The following LBX2 variants were observed in gnomAD, a reference collection of about 807,000 sequenced individuals.
LBX2 encodes transcription factor LBX2.
Under a neutral mutation model 7.5 loss-of-function variants are expected in LBX2, and 6 were observed. That is an observed-to-expected ratio of 0.80 (90% confidence interval 0.44 to 1.59). The LOEUF is 1.59. LBX2 is among the 40% of genes most tolerant of loss of function. The pLI, the probability that LBX2 is intolerant of heterozygous loss-of-function variation, is 0.01. For missense variants in LBX2, 281 were observed against 282.0 expected (o/e 1.00, Z 0.03); for synonymous variants, 143 against 133.2 (o/e 1.07, Z -0.51).
chr2:74,499,517 G>A lies in LBX2; in HGVS notation c.21C>T (p.Pro7=). 1 of 1,548,988 alleles carries A rather than the reference G, an allele frequency of 6.5e-7. No individual in the cohort carries two copies. Among genetic ancestry groups the A allele is most frequent in the South Asian group, 1.2e-5 (1 of 83,998 alleles). The change falls in exon 1 of 2, where the codon CCC becomes CCT. Residue 7 remains proline, a synonymous_variant. Transcript: ENST00000377566. The surrounding 1 kb of genome is among the most constrained non-coding windows in gnomAD (Gnocchi z 4.6). MNSGRE[P]RTPRTLLSIA... ...TGCTTAAGAGTGTCCGGGGTGTTCG[G>A]GGCTCGCGTCCCGAGTTCATGGTCG...
In LBX2 at chr2:74,499,147, G is replaced by C. The variant is rs556932067; in HGVS notation, c.205+186C>G. 1.6e-6 allele frequency: 1 copy of C among 623,286 alleles called. No individual in the cohort carries two copies. The highest frequency in any genetic ancestry group is 2.9e-5 in the Admixed American group (1 of 34,090). 38.6% of individuals were successfully genotyped at this position (623,286 alleles called of 1,614,324 possible). On this transcript the variant is annotated intron_variant, in intron 1 of 1. Coordinates refer to ENST00000377566, the MANE Select transcript of LBX2 (RefSeq NM_001282430.2). The surrounding 1 kb of genome is among the most constrained non-coding windows in gnomAD (Gnocchi z 4.6). ...GCACTGGCGGCCTTCCGGAGCCGCC[G>C]CGGAACCTAGGGACTAACGGAGGAG...
At chr2:74,502,410 G>T (rs1181785190), upstream of LBX2, 2 of 530,372 alleles carry the variant, frequency 3.8e-6, no homozygotes, top group Non-Finnish European at 6.6e-6. This position sits in a 1 kb window ranked among gnomAD's most constrained non-coding sequence, Gnocchi z 5.4. Flanking sequence ...TGTGTAGCAG[G>T]GTTGGAGGAC....
At chr2:74,498,583 A>T in intron 1 of LBX2, 1 of 518,120 alleles carries the variant, frequency 1.9e-6, no homozygotes, top group Non-Finnish European at 3.4e-6. Flanking sequence ...GAAGGGAGGG[A>T]TGATTCAGAG....
rs1233093334 is a variant in LBX2, at chr2:74,499,321, C to A, written c.205+12G>T. ...GGCTAAGTCAGAGTCCGCGACCTTG[C>A]CGGCTCTATACCTTCAGAGGGCTGC... On this transcript the variant is annotated intron_variant, in intron 1 of 1. Coordinates refer to ENST00000377566, the MANE Select transcript of LBX2 (RefSeq NM_001282430.2). This position sits in a 1 kb window ranked among gnomAD's most constrained non-coding sequence, Gnocchi z 4.6. The A allele has an allele frequency of 1.5e-5, 24 of 1,548,934 alleles. No homozygotes were observed. The South Asian group carries it at 2.7e-4, about 18-fold the overall frequency.
chr2:74,500,179 A>C (rs1674454993), upstream of LBX2, among the ~76,000 whole-genome samples: 1 of 152,128 alleles, frequency 6.6e-6, no homozygotes, highest in African/African-American at 2.4e-5. Flanking sequence ...GCAACTGGGA[A>C]TAGTGGGGAT....
Position 74,497,712 on chromosome 2 carries a change from C to A in LBX2, c.*215G>T, listed in dbSNP as rs1235840701. On this transcript the variant is annotated 3_prime_UTR_variant, in exon 2 of 2. Transcript: ENST00000377566. ...GGTCGCGACTGCAGTGAGCGGTGAT[C>A]GCTCCACGGCACTCCAGCCTGGGCG... 1.9e-6 allele frequency: 1 copy of A among 517,550 alleles called. No individual in the cohort carries two copies. Among genetic ancestry groups the A allele is most frequent in the Non-Finnish European group, 3.3e-6 (1 of 305,292 alleles). 32.1% of individuals were successfully genotyped at this position (517,550 alleles called of 1,614,324 possible).
At chr2:74,502,320 A>C, upstream of LBX2, 1 of 284,276 alleles carries the variant, frequency 3.5e-6, no homozygotes, top group Non-Finnish European at 6.6e-6. The surrounding 1 kb of genome is among the most constrained non-coding windows in gnomAD (Gnocchi z 5.4). Flanking sequence ...CCCGTTCCCC[A>C]CTGGTGGCAC....
rs149693976 is a variant in LBX2 at position 74,497,525 on chromosome 2, A to C, written c.*402T>G. 1.7e-3 allele frequency: 296 copies of C among 169,818 alleles called. 5 individuals carry two copies. Among genetic ancestry groups the C allele is most frequent in the African/African-American group, 6.7e-3 (281 of 42,074 alleles). The allele number at this position is 169,818 out of a possible 1,614,324, so 10.5% of individuals were successfully genotyped here. A position where few individuals can be genotyped will look rare whatever the true frequency, so the allele number is the denominator to read the frequency against. Reference sequence around the variant, plus strand: ...TCTGGATAGAGGCATGGTGCGGCAGAGTCTCGACTTTATTCTCAAATATTG... The same window carrying C: ...TCTGGATAGAGGCATGGTGCGGCAGCGTCTCGACTTTATTCTCAAATATTG... On this transcript the variant is annotated 3_prime_UTR_variant, in exon 2 of 2. Coordinates refer to ENST00000377566, the MANE Select transcript of LBX2 (RefSeq NM_001282430.2).
At chr2:74,502,742 A>G, upstream of LBX2, 1 of 1,613,566 alleles carries the variant, frequency 6.2e-7, no homozygotes, top group Non-Finnish European at 8.5e-7. The surrounding 1 kb of genome is among the most constrained non-coding windows in gnomAD (Gnocchi z 5.4). Context: ...GCCCACCGCC[A>G]CCCTCCCGGG....
In LBX2 at chr2:74,498,798, C is replaced by T. The variant is rs985902819; in HGVS notation, c.206-480G>A. ...ACAGTTCCTTAGTGACACCAGAGCC[C>T]GCTCCTCCGGCCCCAAAGGGAGATA... On this transcript the variant is annotated intron_variant, in intron 1 of 1. Coordinates refer to ENST00000377566, the MANE Select transcript of LBX2 (RefSeq NM_001282430.2). 1.6e-5 allele frequency: 3 copies of T among 192,430 alleles called. No homozygotes were observed. The South Asian group carries it at 3.7e-4, about 24-fold the overall frequency. The allele number at this position is 192,430 out of a possible 1,614,324, so 11.9% of individuals were successfully genotyped here. A position where few individuals can be genotyped will look rare whatever the true frequency, so the allele number is the denominator to read the frequency against.
At chr2:74,499,705 C>A, upstream of LBX2, 1 of 672,190 alleles carries the variant, frequency 1.5e-6, no homozygotes, top group Non-Finnish European at 2.5e-6. This position sits in a 1 kb window ranked among gnomAD's most constrained non-coding sequence, Gnocchi z 4.6. Context: ...CCACCCCGGG[C>A]CGCGGTGGAT....
upstream of LBX2, chr2:74,502,621 A>G (rs758726446): frequency 2.5e-6 from 4 of 1,569,550 alleles, no homozygotes; most frequent in Non-Finnish European, 3.5e-6. This position sits in a 1 kb window ranked among gnomAD's most constrained non-coding sequence, Gnocchi z 5.4. Flanking sequence ...TCTTTCAGAA[A>G]GCGCTACTGC....
In LBX2 at chr2:74,497,941, G is replaced by C; in HGVS notation, c.583C>G (p.Gln195Glu). The stretch of plus-strand genomic sequence containing the variant: ...CGGCTTTGTCTTCAATCGTCCACCT[G>C]TATCTCCTCGTCTGACAGGTGGGGC... ...SRPHLSDEEI[Q>E]VDD The change falls in exon 2 of 2, where the codon CAG becomes GAG. Residue 195 changes from glutamine to glutamate, a missense_variant. Around this residue, in one of 3 missense-constraint regions of LBX2, gnomAD observed 59 missense variants for 52.9 expected, o/e 1.11. Coordinates refer to ENST00000377566, the MANE Select transcript of LBX2 (RefSeq NM_001282430.2). The C allele has an allele frequency of 6.3e-7, 1 of 1,582,066 alleles. No individual in the cohort carries two copies. The highest frequency in any genetic ancestry group is 8.6e-7 in the Non-Finnish European group (1 of 1,161,492).
upstream of LBX2, chr2:74,502,934 G>A (rs1674527533): frequency 3.1e-6 from 4 of 1,303,274 alleles, no homozygotes; most frequent in South Asian, 2.8e-5. This position sits in a 1 kb window ranked among gnomAD's most constrained non-coding sequence, Gnocchi z 5.4. Flanking sequence ...AGCAAATCCT[G>A]GTGCTGTCGC....
rs576605083 is a variant in LBX2 at position 74,497,760 on chromosome 2, A to G, written c.*167T>C. ...GCGACAGAGCGAGGCCCTGTCTCAG[A>G]CAACAAAACAAACTTACAAAAAAAC... On this transcript the variant is annotated 3_prime_UTR_variant, in exon 2 of 2. Coordinates refer to ENST00000377566, the MANE Select transcript of LBX2 (RefSeq NM_001282430.2). 17 of 753,576 alleles carry G rather than the reference A, an allele frequency of 2.3e-5. No homozygotes were observed. In the African/African-American group the frequency reaches 2.5e-4, roughly 11 times the overall value. The allele number at this position is 753,576 out of a possible 1,614,324, so 46.7% of individuals were successfully genotyped here.
rs145067241 is a variant in LBX2, at chr2:74,499,432, C to G, written c.106G>C (p.Glu36Gln). 1.1e-3 allele frequency: 1,752 copies of G among 1,550,636 alleles called. 5 individuals are homozygous for G. The highest frequency in any genetic ancestry group is 9.0e-3 in the East Asian group (368 of 40,930). The change falls in exon 1 of 2, where the codon GAG becomes CAG. Residue 36 changes from glutamate (E) to glutamine (Q), a missense_variant. Transcript: ENST00000377566. This position sits in a 1 kb window ranked among gnomAD's most constrained non-coding sequence, Gnocchi z 4.6. ...PRAPSAPQLPESGPGPTSPLC... is the reference protein window; with the variant it reads ...PRAPSAPQLPQSGPGPTSPLC... ...GGCGACGTTGGACCCGGACCCGACT[C>G]TGGAAGCTGCGGCGCAGAGGGTGCT...
rs377292404 is a variant in LBX2 at position 74,498,727 on chromosome 2, G to A, written c.206-409C>T. On this transcript the variant is annotated intron_variant, in intron 1 of 1. Coordinates refer to ENST00000377566, the MANE Select transcript of LBX2 (RefSeq NM_001282430.2). The stretch of plus-strand genomic sequence containing the variant: ...CCGACCCAGCGTGGTGGTGGTAACA[G>A]GACTTAGATCATGCCCTTCCATGGA... 260 of 227,340 alleles carry A rather than the reference G, an allele frequency of 1.1e-3. 1 individual carries two copies. The highest frequency in any genetic ancestry group is 4.7e-3 in the Middle Eastern group (3 of 638). The allele number at this position is 227,340 out of a possible 1,614,324, so 14.1% of individuals were successfully genotyped here.
rs752635082 is a variant in LBX2, at chr2:74,498,259, G to A, written c.265C>T (p.Arg89Cys). The A allele has an allele frequency of 1.3e-6, 2 of 1,596,360 alleles. No homozygotes were observed. The highest frequency in any genetic ancestry group is 1.7e-6 in the Non-Finnish European group (2 of 1,174,862). Residue 89 changes from arginine to cysteine, a missense_variant, in exon 2 of 2, where the codon CGC becomes TGC. Coordinates refer to ENST00000377566, the MANE Select transcript of LBX2 (RefSeq NM_001282430.2). The stretch of plus-strand genomic sequence containing the variant: ...ACCTGTTGCGCGGTGAACGCAGTGC[G>A]TGACTTGCGCCGTTTGCGGCCGAAG... ...GPFGRKRRKS[R>C]TAFTAQQVLE...
In LBX2 at chr2:74,498,212, G is replaced by A. The variant is rs201038966; in HGVS notation, c.312C>T (p.Phe104=). The A allele has an allele frequency of 8.7e-5, 140 of 1,610,794 alleles. No individual in the cohort carries two copies. The highest frequency in any genetic ancestry group is 3.3e-4 in the Middle Eastern group (2 of 6,030). Residue 104 remains phenylalanine, a synonymous_variant, in exon 2 of 2, where the codon TTC becomes TTT. Transcript: ENST00000377566. ...ACGGCGCCAGGTACTTCTGGAAGAC[G>A]AAGCGCCGCTCCAGCTCCAGCACCT... is the stretch of plus-strand genomic sequence containing the variant. ...AQQVLELERR[F]VFQKYLAPSE... is the part of the protein sequence containing the mutation.
Sources: gnomAD v4.1 joint callset for allele counts (sites outside exome capture counted in the v4.1 genomes callset) on GRCh38, gnomAD v4.1.1 for gene constraint, gnomAD v4.1.1 regional missense constraint, Gnocchi (gnomAD v3.1) non-coding constraint, MANE v1.5 for transcripts, NCBI Gene and HGNC (gene_info 2026-07-23, HGNC 2026-07-21) for gene names.